DLG2: variants seen among roughly 807,000 people sequenced by gnomAD.
DLG2 encodes the protein disks large homolog 2.
A neutral mutation model predicts 132.5 loss-of-function variants in DLG2; 45 were observed. That is an observed-to-expected ratio of 0.34 (90% CI 0.27 to 0.44). DLG2 has a LOEUF of 0.44. Ranked by LOEUF, DLG2 falls within the 20% of genes least tolerant of loss-of-function variation. The pLI, the probability that DLG2 is intolerant of heterozygous loss-of-function variation, is 1.00. For missense variants in DLG2, 1,045 were observed against 1,196.9 expected, an observed-to-expected ratio of 0.87 and a Z score of 1.87; for synonymous variants, 424 against 419.6, an observed-to-expected ratio of 1.01 and a Z score of -0.13.
intron 3 of DLG2, among the ~76,000 whole-genome samples, chr11:85,415,882 T>C (rs974669485): frequency 9.9e-5 from 15 of 151,994 alleles, no homozygotes; most frequent in Admixed American, 2.0e-4. Context: ...TAATTAAATT[T>C]CATATGTCAC....
intron 6 of DLG2, among the ~76,000 whole-genome samples, chr11:84,906,842 A>G (rs2091573494): frequency 6.6e-6 from 1 of 152,210 alleles, no homozygotes; most frequent in Non-Finnish European, 1.5e-5. Flanking sequence ...CAAGGCATGG[A>G]AAGCTAAAAA....
intron 6 of DLG2, among the ~76,000 whole-genome samples, chr11:84,624,310 G>T (rs762785090): frequency 6.6e-6 from 1 of 152,064 alleles, no homozygotes; most frequent in Non-Finnish European, 1.5e-5. Context: ...TTACTCCCAC[G>T]ATCACTAACG....
intron 7 of DLG2, among the ~76,000 whole-genome samples, chr11:84,337,178 T>C (rs938350655): frequency 2.0e-5 from 3 of 152,182 alleles, no homozygotes; most frequent in African/African-American, 7.2e-5. Context: ...TACGGGTAGA[T>C]GCAGTATCTA....
intron 4 of DLG2, among the ~76,000 whole-genome samples, chr11:85,210,852 C>T (rs1417056064): frequency 6.6e-6 from 1 of 152,050 alleles, no homozygotes; most frequent in Non-Finnish European, 1.5e-5. Flanking sequence ...AAACCTTCTT[C>T]CTTCTCCCTT....
chr11:85,393,353 A>G (rs1397303177), intron 3 of DLG2, among the ~76,000 whole-genome samples: 1 of 152,170 alleles, frequency 6.6e-6, no homozygotes, highest in East Asian at 1.9e-4. Flanking sequence ...GGTGAAAAGG[A>G]ACACTTTTAC....
chr11:84,924,852 A>G (rs2092918307), intron 6 of DLG2, among the ~76,000 whole-genome samples: 1 of 152,204 alleles, frequency 6.6e-6, no homozygotes, highest in African/African-American at 2.4e-5. Context: ...CTTCCAGGAC[A>G]TTAAAAAATC....
intron 7 of DLG2, among the ~76,000 whole-genome samples, chr11:84,295,638 G>A (rs995674943): frequency 2.6e-5 from 4 of 152,126 alleles, no homozygotes; most frequent in East Asian, 3.9e-4. Context: ...AAGATTCTGC[G>A]AGTTCACTAG....
chr11:83,790,918 T>C (rs558873037), intron 17 of DLG2: 6 of 914,084 alleles, frequency 6.6e-6, no homozygotes, highest in Non-Finnish European at 1.0e-5. Context: ...GTATACTGAA[T>C]GTAGTCCTGA....
At chr11:84,917,234 A>G (rs2092525196) in intron 6 of DLG2, among the ~76,000 whole-genome samples, 1 of 152,214 alleles carries the variant, frequency 6.6e-6, no homozygotes, top group African/African-American at 2.4e-5. Flanking sequence ...GCAGAATACA[A>G]AAGAAAGCCT....
intron 19 of DLG2, among the ~76,000 whole-genome samples, chr11:83,577,486 A>T (rs1245540572): frequency 7.8e-6 from 1 of 128,062 alleles, no homozygotes; most frequent in African/African-American, 3.4e-5. Context: ...AGGATATATT[A>T]TATATATATA....
intron 6 of DLG2, chr11:84,923,126 A>G (rs890779366): frequency 9.3e-6 from 15 of 1,613,818 alleles, no homozygotes; most frequent in Non-Finnish European, 1.3e-5. Context: ...CATTGCAGTA[A>G]ATAAGGAGCA....
At chr11:83,983,830 A>G (rs1388482708) in intron 11 of DLG2, among the ~76,000 whole-genome samples, 1 of 152,106 alleles carries the variant, frequency 6.6e-6, no homozygotes, top group Non-Finnish European at 1.5e-5. Flanking sequence ...AATTTAAAAT[A>G]CATATCAGCT....
intron 7 of DLG2, among the ~76,000 whole-genome samples, chr11:84,502,347 T>C (rs1001799922): frequency 1.8e-4 from 9 of 49,930 alleles, no homozygotes; most frequent in East Asian, 4.0e-4. Context: ...TCTTTCTTTC[T>C]TTCTTTCTTT....
At chr11:83,819,254 G>T (rs886881716) in intron 17 of DLG2, among the ~76,000 whole-genome samples, 7 of 151,964 alleles carry the variant, frequency 4.6e-5, no homozygotes. Context: ...TGGATCACCT[G>T]AGGTCAGGAG....
At chr11:84,130,731 C>T (rs2094389135) in intron 9 of DLG2, among the ~76,000 whole-genome samples, 1 of 151,760 alleles carries the variant, frequency 6.6e-6, no homozygotes, top group Admixed American at 6.6e-5. Flanking sequence ...TAAACCACTG[C>T]TCTCCAAAAC....
At chr11:85,517,423 C>A (rs376564109) in intron 3 of DLG2, among the ~76,000 whole-genome samples, 1 of 152,144 alleles carries the variant, frequency 6.6e-6, no homozygotes, top group African/African-American at 2.4e-5. Flanking sequence ...TACTAGAAGT[C>A]CTAGCCAGGG....
intron 26 of DLG2, among the ~76,000 whole-genome samples, chr11:83,463,359 G>T (rs1040330083): frequency 6.6e-6 from 1 of 152,144 alleles, no homozygotes; most frequent in Non-Finnish European, 1.5e-5. Context: ...GTCCTGAGGG[G>T]TGTTATGTAT....
intron 3 of DLG2, among the ~76,000 whole-genome samples, chr11:85,510,836 T>G (rs907437109): frequency 3.9e-5 from 6 of 152,132 alleles, no homozygotes; most frequent in African/African-American, 1.4e-4. Context: ...GATCTAGAAC[T>G]AGAAATACCA....
chr11:83,987,833 A>T (rs2093437935), intron 11 of DLG2, among the ~76,000 whole-genome samples: 1 of 152,106 alleles, frequency 6.6e-6, no homozygotes, highest in African/African-American at 2.4e-5. Context: ...CTCTGGTGTG[A>T]GGTGATATCT....
Sources: allele counts gnomAD v4.1 joint callset (sites outside exome capture counted in the v4.1 genomes callset), GRCh38; gene constraint gnomAD v4.1.1; transcripts MANE v1.5; gene names NCBI Gene and HGNC (gene_info 2026-07-23, HGNC 2026-07-21).